Variants in COL27A1 observed in about 807,000 individuals in gnomAD.
COL27A1 encodes collagen type XXVII alpha 1 chain.
Under a neutral mutation model 251.3 loss-of-function variants are expected in COL27A1, and 106 were observed. The ratio of observed to expected loss-of-function variants is 0.42; its 90% CI spans 0.36 to 0.50. The LOEUF is 0.50. COL27A1 is among the 20% of genes least tolerant of loss of function. COL27A1 has a pLI of 0.00. For synonymous variants in COL27A1, 1,000 were observed against 986.3 expected, an observed-to-expected ratio of 1.01 and a Z score of -0.26; for missense variants, 2,325 against 2,522.8, an observed-to-expected ratio of 0.92 and a Z score of 1.68.
intron 10 of COL27A1, among the ~76,000 whole-genome samples, chr9:114,207,998 G>A (rs181963584): frequency 1.2e-4 from 18 of 152,340 alleles, no homozygotes; most frequent in African/African-American, 4.1e-4. Context: ...GAGGCAGTAT[G>A]CAGAGTGGTT....
chr9:114,192,341 C>T (rs1334187762), intron 5 of COL27A1, among the ~76,000 whole-genome samples: 1 of 152,172 alleles, frequency 6.6e-6, no homozygotes, highest in Non-Finnish European at 1.5e-5. Context: ...TCCTCGGTAG[C>T]CCTAGGTCTG....
At chr9:114,265,016 C>A (rs1456921293) in intron 30 of COL27A1, 48 bp downstream of exon 30, 5 of 1,612,726 alleles carry the variant, frequency 3.1e-6, no homozygotes, top group Non-Finnish European at 4.2e-6. Flanking sequence ...CCCCTCCCTG[C>A]TCCGTGCTTT....
intron 58 of COL27A1, chr9:114,307,079 CAAT>C: frequency 4.9e-6 from 1 of 204,902 alleles, no homozygotes; most frequent in South Asian, 8.4e-5. Flanking sequence ...ACCTGAGTTC[CAAT>C]GTCAGTTCTG....
chr9:114,295,991 T>C (rs1033913279), intron 49 of COL27A1, among the ~76,000 whole-genome samples: 2 of 152,182 alleles, frequency 1.3e-5, no homozygotes. Flanking sequence ...ATTCAGCAAA[T>C]ACAAAATAGT....
intron 1 of COL27A1, among the ~76,000 whole-genome samples, chr9:114,157,741 C>G (rs1228620053): frequency 6.6e-6 from 1 of 152,222 alleles, no homozygotes; most frequent in Non-Finnish European, 1.5e-5. Context: ...CACAGGAGGG[C>G]CATGAGGCTT....
chr9:114,306,830 G>A, intron 58 of COL27A1, 142 bp downstream of exon 58: 1 of 879,750 alleles, frequency 1.1e-6, no homozygotes, highest in South Asian at 1.8e-5. Flanking sequence ...TCACTCAGCA[G>A]TCACAGAGCC....
At position 114,296,922 on chromosome 9, in the gene COL27A1, A is replaced by G. The variant is rs138494452; in HGVS notation, c.4585-3148A>G. Among the ~76,000 whole-genome samples the G allele has an allele frequency of 3.7e-4, 57 of 152,358 alleles. No homozygotes were observed. In the East Asian group the frequency reaches 4.8e-3, roughly 13 times the overall value. On this transcript the variant is annotated intron_variant, in intron 49 of 60. Coordinates refer to ENST00000356083, the MANE Select transcript of COL27A1 (RefSeq NM_032888.4). ...ACAACATAAGATGATTCTCAAAATA[A>G]TTAGGCTGAGTGAAAGAACTCAGAT...
chr9:114,158,829 G>A (rs1383925742), intron 1 of COL27A1, among the ~76,000 whole-genome samples: 2 of 152,194 alleles, frequency 1.3e-5, no homozygotes, highest in African/African-American at 2.4e-5. Flanking sequence ...TGGCAAGTAG[G>A]AAGTCCCTGC....
rs776628080 is a variant in COL27A1 at position 114,231,058 on chromosome 9, CT to C, written c.2467-19del. 8 of 1,610,608 alleles carry C rather than the reference CT, an allele frequency of 5.0e-6. No individual in the cohort carries two copies. In the African/African-American group the frequency reaches 9.3e-5, roughly 19 times the overall value. On this transcript the variant is annotated intron_variant, in intron 14 of 60. Transcript: ENST00000356083. ...TGTGGGCCACTGCTCACAGCACCCT[CT>C]TCTCTTTCTCTCCCCACAGGGTGAC...
chr9:114,178,296 C>CCCTGGGCTA lies in COL27A1; in HGVS notation c.1929_1937dup (p.Leu644_Gly646dup). On this transcript the variant is annotated inframe_insertion, in exon 4 of 61. Coordinates refer to ENST00000356083, the MANE Select transcript of COL27A1 (RefSeq NM_032888.4). ...TCTTCTTGTTTTCTCCTCAGGGTCC[C>CCCTGGGCTA]CCTGGGCTACCTGGGCTACCTGGAA... 6.2e-7 allele frequency: 1 copy of CCCTGGGCTA among 1,614,014 alleles called. No individual in the cohort carries two copies. The highest frequency in any genetic ancestry group is 8.5e-7 in the Non-Finnish European group (1 of 1,179,930).
chr9:114,251,286 TG>T (rs1248604415), intron 25 of COL27A1, among the ~76,000 whole-genome samples: 1 of 152,086 alleles, frequency 6.6e-6, no homozygotes, highest in Non-Finnish European at 1.5e-5. Flanking sequence ...ATTGAATAGA[TG>T]GAGGAACTGA....
At chr9:114,186,360 T>G (rs1245197453) in intron 5 of COL27A1, among the ~76,000 whole-genome samples, 1 of 152,238 alleles carries the variant, frequency 6.6e-6, no homozygotes, top group Non-Finnish European at 1.5e-5. Flanking sequence ...GTTGTCTGCA[T>G]GTGTGAGGCA....
chr9:114,231,762 G>A, intron 15 of COL27A1, 60 bp from the exon 16 acceptor site: 7 of 1,573,110 alleles, frequency 4.4e-6, no homozygotes, highest in Non-Finnish European at 6.1e-6. Flanking sequence ...TTTAAGCCAG[G>A]GCTCCTGACT....
chr9:114,281,499 G>C (rs1835901288), intron 37 of COL27A1, among the ~76,000 whole-genome samples: 1 of 152,214 alleles, frequency 6.6e-6, no homozygotes. Flanking sequence ...GAATGGCCTG[G>C]GGACTCCAAG....
intron 28 of COL27A1, among the ~76,000 whole-genome samples, chr9:114,260,430 C>A (rs1354331818): frequency 6.6e-6 from 1 of 152,156 alleles, no homozygotes; most frequent in Non-Finnish European, 1.5e-5. Context: ...CAGAGGCACC[C>A]ACCGTGCCTG....
At chr9:114,249,115 G>C (rs1016090879) in intron 24 of COL27A1, among the ~76,000 whole-genome samples, 7 of 152,158 alleles carry the variant, frequency 4.6e-5, no homozygotes, top group African/African-American at 1.7e-4. Flanking sequence ...GATTTGCCCA[G>C]AACCCACACA....
chr9:114,215,059 C>T (rs1229005005), intron 12 of COL27A1, among the ~76,000 whole-genome samples: 1 of 152,256 alleles, frequency 6.6e-6, no homozygotes, highest in Non-Finnish European at 1.5e-5. Flanking sequence ...TTACTCACAG[C>T]CCCTGGCCAG....
intron 37 of COL27A1, among the ~76,000 whole-genome samples, chr9:114,278,244 G>A (rs1410893885): frequency 4.7e-5 from 7 of 148,704 alleles, no homozygotes; most frequent in Non-Finnish European, 8.9e-5. Context: ...TAGTACTGAT[G>A]ATGGTGTTGG....
At chr9:114,259,914 G>A (rs1834195332) in intron 28 of COL27A1, among the ~76,000 whole-genome samples, 2 of 152,190 alleles carry the variant, frequency 1.3e-5, no homozygotes, top group East Asian at 3.9e-4. Context: ...CAGATGGCCT[G>A]AGCAGCCGGC....
Sources: gnomAD v4.1 joint callset for allele counts (sites outside exome capture counted in the v4.1 genomes callset) on GRCh38, gnomAD v4.1.1 for gene constraint, MANE v1.5 for transcripts, NCBI Gene and HGNC (gene_info 2026-07-23, HGNC 2026-07-21) for gene names.